STX7: variants seen among roughly 807,000 people sequenced by gnomAD.
The protein encoded by STX7 is syntaxin 7, also known as syntaxin-7.
Under a neutral mutation model 39.6 loss-of-function variants are expected in STX7, and 34 were observed. The observed-to-expected ratio is 0.86, with a 90% CI of 0.65 to 1.14. The LOEUF (loss-of-function observed/expected upper bound fraction) is 1.14, where lower values mean the gene tolerates loss of function less well. STX7 is among the 50% of genes most tolerant of loss of function. The probability of loss-of-function intolerance (pLI) is 0.00; values close to 1 mark genes in which losing one functional copy is unlikely to be tolerated. For synonymous variants in STX7, 119 were observed against 99.1 expected (o/e 1.20, Z -1.19); for missense variants, 284 against 310.4 (o/e 0.92, Z 0.64).
At chr6:132,468,527 T>C (rs369990445) in intron 7 of STX7, 52 bp from the exon 8 acceptor site, 3 of 1,464,252 alleles carry the variant, frequency 2.0e-6, no homozygotes, top group Non-Finnish European at 2.8e-6. Context: ...CCCCATTCCA[T>C]AAAAGAGGAA....
rs1472599821 is a variant in STX7, at chr6:132,456,766, T to C, written c.*3992A>G. 6.6e-6 allele frequency: 1 copy of C among 152,226 alleles called. No individual in the cohort carries two copies. The highest frequency in any genetic ancestry group is 1.5e-5 in the Non-Finnish European group (1 of 68,032). The allele number at this position is 152,226 out of a possible 1,614,324, so 9.4% of individuals were successfully genotyped here. A position where few individuals can be genotyped will look rare whatever the true frequency, so the allele number is the denominator to read the frequency against. On this transcript the variant is annotated 3_prime_UTR_variant, in exon 10 of 10. Transcript: ENST00000367941. ...TACATCTCAGTGTTTGTTTCACAAT[T>C]ATGCTAGACTGTCAACTCACTTCTC...
At position 132,455,003 on chromosome 6, in the gene STX7, C is replaced by T. The variant is rs1175368422; in HGVS notation, c.*5755G>A. The T allele has an allele frequency of 1.3e-5, 2 of 152,084 alleles. No homozygotes were observed. The highest frequency in any genetic ancestry group is 2.9e-5 in the Non-Finnish European group (2 of 68,014). 9.4% of individuals were successfully genotyped at this position (152,084 alleles called of 1,614,324 possible). A position where few individuals can be genotyped will look rare whatever the true frequency, so the allele number is the denominator to read the frequency against. On this transcript the variant is annotated 3_prime_UTR_variant, in exon 10 of 10. Coordinates refer to ENST00000367941, the MANE Select transcript of STX7 (RefSeq NM_003569.3). ...CACATTGAAAATGCCTCGAAATGAA[C>T]TCAAAACGACCACAGTACCTAGGTT...
In STX7 at chr6:132,475,588, CT is replaced by C; in HGVS notation, c.155+4del. 1 of 1,593,246 alleles carries C rather than the reference CT, an allele frequency of 6.3e-7. No homozygotes were observed. Among genetic ancestry groups the C allele is most frequent in the Non-Finnish European group, 8.6e-7 (1 of 1,168,542 alleles). The stretch of plus-strand genomic sequence containing the variant: ...TCTCTTTTATTTATTTAACTAGATA[CT>C]TACAACTGTTGCCTCAATTCAGGTG... On this transcript the variant is annotated splice_donor_region_variant and intron_variant, in intron 3 of 9. Transcript: ENST00000367941.
chr6:132,503,477 G>C lies in STX7; in HGVS notation c.54C>G (p.Ile18Met), dbSNP rs771903230. 1.9e-6 allele frequency: 3 copies of C among 1,614,100 alleles called. No individual in the cohort carries two copies. In the East Asian group the frequency reaches 6.7e-5, roughly 36 times the overall value. ...GTGTGATCTTCTGGATGTTAGAAGA[G>C]ATCCTCTGGGCCAACTGGGCGGGGT... ...GGDPAQLAQRISSNIQKITQC... is the reference protein window; with the variant it reads ...GGDPAQLAQRMSSNIQKITQC... Residue 18 changes from isoleucine to methionine, a missense_variant, in exon 2 of 10, where the codon ATC (isoleucine) becomes ATG (methionine). Physicochemically the swap from Ile to Met is conservative, Grantham distance 10. Transcript: ENST00000367941.
At position 132,453,914 on chromosome 6, in the gene STX7, C is replaced by T. The variant is rs1471255293; in HGVS notation, c.*6844G>A. ...ATTCAACTACTATATGACCCAACTA[C>T]TATATAACTGCTGGGCATTTGACCC... is the stretch of plus-strand genomic sequence containing the variant. On this transcript the variant is annotated 3_prime_UTR_variant, in exon 10 of 10. Coordinates refer to ENST00000367941, the MANE Select transcript of STX7 (RefSeq NM_003569.3). 1 of 152,050 alleles carries T rather than the reference C, an allele frequency of 6.6e-6. No homozygotes were observed. The highest frequency in any genetic ancestry group is 1.9e-4 in the East Asian group (1 of 5,194). 9.4% of individuals were successfully genotyped at this position (152,050 alleles called of 1,614,324 possible).
At chr6:132,465,155 AC>A (rs1774531193) in intron 8 of STX7, among the ~76,000 whole-genome samples, 1 of 152,098 alleles carries the variant, frequency 6.6e-6, no homozygotes, top group Non-Finnish European at 1.5e-5. Context: ...CAGTTCACTG[AC>A]CATACTTTTT....
rs1030062073 is a variant in STX7 at position 132,452,052 on chromosome 6, G to C, written c.*8706C>G. On this transcript the variant is annotated 3_prime_UTR_variant, in exon 10 of 10. Coordinates refer to ENST00000367941, the MANE Select transcript of STX7 (RefSeq NM_003569.3). Reference sequence around the variant, plus strand: ...CAAAGATACACCACGACCAAGTGGAGTTTATCTCAGGGATGTAACAATGGC... The same window carrying C: ...CAAAGATACACCACGACCAAGTGGACTTTATCTCAGGGATGTAACAATGGC... 18 of 152,162 alleles carry C rather than the reference G, an allele frequency of 1.2e-4. No homozygotes were observed. Among genetic ancestry groups the C allele is most frequent in the African/African-American group, 4.3e-4 (18 of 41,452 alleles). The allele number at this position is 152,162 out of a possible 1,614,324, so 9.4% of individuals were successfully genotyped here. A position where few individuals can be genotyped will look rare whatever the true frequency, so the allele number is the denominator to read the frequency against.
Position 132,453,202 on chromosome 6 carries a change from C to A in STX7, c.*7556G>T, listed in dbSNP as rs527475828. ...GTAATTGAATATCCATAGGCAACAA[C>A]AAAAAAAATGAACCCAGACCTAAGT... On this transcript the variant is annotated 3_prime_UTR_variant, in exon 10 of 10. Coordinates refer to ENST00000367941, the MANE Select transcript of STX7 (RefSeq NM_003569.3). The A allele has an allele frequency of 6.1e-4, 92 of 151,404 alleles. No homozygotes were observed. Among genetic ancestry groups the A allele is most frequent in the African/African-American group, 2.2e-3 (90 of 41,342 alleles). The allele number at this position is 151,404 out of a possible 1,614,324, so 9.4% of individuals were successfully genotyped here.
chr6:132,489,316 T>TA (rs1215787402), intron 2 of STX7, among the ~76,000 whole-genome samples: 1 of 151,832 alleles, frequency 6.6e-6, no homozygotes, highest in Non-Finnish European at 1.5e-5. Context: ...CTTGTACAAT[T>TA]AGAGTTAGGA....
Position 132,468,445 on chromosome 6 carries a change from T to C in STX7, c.568A>G (p.Lys190Glu). 6.2e-7 allele frequency: 1 copy of C among 1,606,146 alleles called. No homozygotes were observed. Among genetic ancestry groups the C allele is most frequent in the South Asian group, 1.1e-5 (1 of 90,476 alleles). Residue 190 changes from lysine to glutamate, a missense_variant, in exon 8 of 10, where the codon AAA (lysine) becomes GAA (glutamate). Lys to Glu is a moderately conservative substitution (Grantham distance 56). Transcript: ENST00000367941. ...ADIMDINEIFKDLGMMIHEQG... is the reference protein window; with the variant it reads ...ADIMDINEIFEDLGMMIHEQG... ...TCATGAATCATCATTCCCAAATCTT[T>C]AAATATTTCATTAATATCCATAATA...
Position 132,453,552 on chromosome 6 carries a change from A to G in STX7, c.*7206T>C, listed in dbSNP as rs1263907876. 6.6e-6 allele frequency: 1 copy of G among 151,974 alleles called. No homozygotes were observed. Among genetic ancestry groups the G allele is most frequent in the Admixed American group, 6.6e-5 (1 of 15,246 alleles). The allele number at this position is 151,974 out of a possible 1,614,324, so 9.4% of individuals were successfully genotyped here. A position where few individuals can be genotyped will look rare whatever the true frequency, so the allele number is the denominator to read the frequency against. ...AATACACACACACACACACAGAGGCACACACACACATTATTTAAAAGCCCT... is the reference window on the plus strand; with the variant it reads ...AATACACACACACACACACAGAGGCGCACACACACATTATTTAAAAGCCCT... On this transcript the variant is annotated 3_prime_UTR_variant, in exon 10 of 10. Transcript: ENST00000367941.
chr6:132,492,412 T>C (rs1775314177), intron 2 of STX7, among the ~76,000 whole-genome samples: 1 of 152,248 alleles, frequency 6.6e-6, no homozygotes, highest in African/African-American at 2.4e-5. Flanking sequence ...AATTTACTTA[T>C]TTATTTTATG....
intron 2 of STX7, among the ~76,000 whole-genome samples, chr6:132,481,966 C>T (rs1332656759): frequency 6.6e-6 from 1 of 152,142 alleles, no homozygotes; most frequent in Non-Finnish European, 1.5e-5. Context: ...CTGAAATGAT[C>T]AGAATACCTA....
intron 2 of STX7, among the ~76,000 whole-genome samples, chr6:132,494,632 C>T (rs1380970711): frequency 1.3e-5 from 2 of 152,084 alleles, no homozygotes; most frequent in Non-Finnish European, 2.9e-5. Flanking sequence ...TGACTGTTCA[C>T]TAAGCAGAAA....
intron 3 of STX7, 71 bp downstream of exon 3, chr6:132,475,522 A>C: frequency 9.4e-7 from 1 of 1,060,564 alleles, no homozygotes; most frequent in Non-Finnish European, 1.4e-6. Flanking sequence ...TATACTACAT[A>C]CTGTAAAAGC....
rs1775632578 is a variant in STX7 at position 132,503,625 on chromosome 6, A to G, written c.-58-37T>C. 5 of 912,774 alleles carry G rather than the reference A, an allele frequency of 5.5e-6. 1 individual carries two copies. The South Asian group carries it at 8.2e-5, about 15-fold the overall frequency. 56.5% of individuals were successfully genotyped at this position (912,774 alleles called of 1,614,324 possible). A position where few individuals can be genotyped will look rare whatever the true frequency, so the allele number is the denominator to read the frequency against. On this transcript the variant is annotated intron_variant, in intron 1 of 9. Coordinates refer to ENST00000367941, the MANE Select transcript of STX7 (RefSeq NM_003569.3). Reference sequence around the variant, plus strand: ...AAAAGTCACACAGATATATTTTTTAAGTTACTGGCTTACATTTTCCAAATT... The same window carrying G: ...AAAAGTCACACAGATATATTTTTTAGGTTACTGGCTTACATTTTCCAAATT...
At chr6:132,473,576 A>G (rs1774794764) in intron 3 of STX7, among the ~76,000 whole-genome samples, 1 of 138,154 alleles carries the variant, frequency 7.2e-6, no homozygotes, top group South Asian at 2.3e-4. Flanking sequence ...CTGGGGATAT[A>G]TAATCTATGG....
intron 2 of STX7, among the ~76,000 whole-genome samples, chr6:132,484,917 C>T (rs569492321): frequency 2.6e-5 from 4 of 152,300 alleles, no homozygotes; most frequent in African/African-American, 9.6e-5. Flanking sequence ...TATAGGTAGG[C>T]ACCGTGTACT....
At chr6:132,467,053 G>A (rs553304938) in intron 8 of STX7, among the ~76,000 whole-genome samples, 43 of 152,200 alleles carry the variant, frequency 2.8e-4, no homozygotes, top group Admixed American at 5.2e-4. Flanking sequence ...AGCCTTTTAG[G>A]TGACCTCCTT....
Sources: gnomAD v4.1 joint callset for allele counts (sites outside exome capture counted in the v4.1 genomes callset) on GRCh38, gnomAD v4.1.1 for gene constraint, MANE v1.5 for transcripts, NCBI Gene and HGNC (gene_info 2026-07-23, HGNC 2026-07-21) for gene names.